Variants in RMND1 observed in about 807,000 individuals in gnomAD.
RMND1 encodes the protein required for meiotic nuclear division 1 homolog.
A neutral mutation model predicts 54.0 loss-of-function variants in RMND1; 41 were observed. The observed-to-expected ratio is 0.76, with a 90% CI of 0.59 to 0.98. The LOEUF is 0.98. RMND1 is among the 50% of genes least tolerant of loss of function. The pLI, the probability that RMND1 is intolerant of heterozygous loss-of-function variation, is 0.00. For missense variants in RMND1, 457 were observed against 532.0 expected (o/e 0.86, Z 1.39); for synonymous variants, 183 against 181.7 (o/e 1.01, Z -0.06).
At position 151,445,693 on chromosome 6, in the gene RMND1, G is replaced by A; in HGVS notation, c.119C>T (p.Thr40Ile). Residue 40 changes from threonine to isoleucine, a missense_variant, in exon 2 of 12, where the codon ACA becomes ATA. Transcript: ENST00000444024. Reference sequence around the variant, plus strand: ...TTGACGTATTGTCAGTGTGCTGCATGTTGTATTTTCAAATTCCTTAAGTGG... The same window carrying A: ...TTGACGTATTGTCAGTGTGCTGCATATTGTATTTTCAAATTCCTTAAGTGG... Reference protein sequence around the residue: ...LKPLKEFENTTCSTLTIRQSL... With the variant: ...LKPLKEFENTICSTLTIRQSL... The A allele has an allele frequency of 6.2e-7, 1 of 1,614,138 alleles. No individual in the cohort carries two copies. Among genetic ancestry groups the A allele is most frequent in the South Asian group, 1.1e-5 (1 of 91,080 alleles).
At chr6:151,447,844 C>T (rs1459682078) in intron 1 of RMND1, among the ~76,000 whole-genome samples, 1 of 136,108 alleles carries the variant, frequency 7.3e-6, no homozygotes, top group Non-Finnish European at 1.5e-5. Context: ...ATGGGAGTCT[C>T]GCTCTGTCAC....
chr6:151,438,320 C>G (rs1378795865), intron 2 of RMND1, among the ~76,000 whole-genome samples: 1 of 152,196 alleles, frequency 6.6e-6, no homozygotes, highest in African/African-American at 2.4e-5. Flanking sequence ...TAGGTGAAAT[C>G]ACAGTACATT....
Position 151,405,194 on chromosome 6 carries a change from A to G in RMND1, c.*41T>C. The G allele has an allele frequency of 6.3e-7, 1 of 1,583,474 alleles. No homozygotes were observed. On this transcript the variant is annotated 3_prime_UTR_variant, in exon 12 of 12. Coordinates refer to ENST00000444024, the MANE Select transcript of RMND1 (RefSeq NM_017909.4). ...CGAACATTTAATTTTTGATTGTAGA[A>G]CTTGAATATCTCTTGCAGTGACACT...
At chr6:151,438,503 T>C (rs1260825380) in intron 2 of RMND1, among the ~76,000 whole-genome samples, 2 of 152,200 alleles carry the variant, frequency 1.3e-5, no homozygotes, top group Non-Finnish European at 2.9e-5. Flanking sequence ...TTTGCTAGAA[T>C]CGGAGTTGTA....
chr6:151,417,323 A>G lies in RMND1; in HGVS notation c.1156T>C (p.Tyr386His), dbSNP rs528012570. Residue 386 changes from tyrosine (Y) to histidine (H), a missense_variant, in exon 10 of 12, where the codon TAC (tyrosine) becomes CAC (histidine). Transcript: ENST00000444024. ...CTAAGGAATTGACACGTTTTATCGTAAAGTCCTTCCAGGTTTTCTCTGTCC... is the reference window on the plus strand; with the variant it reads ...CTAAGGAATTGACACGTTTTATCGTGAAGTCCTTCCAGGTTTTCTCTGTCC... Reference protein sequence around the residue: ...YWDRENLEGLYDKTCQFLSIG... With the variant: ...YWDRENLEGLHDKTCQFLSIG... 2 of 1,613,866 alleles carry G rather than the reference A, an allele frequency of 1.2e-6. No homozygotes were observed. Among genetic ancestry groups the G allele is most frequent in the African/African-American group, 1.3e-5 (1 of 75,060 alleles).
At chr6:151,441,437 T>C (rs1014162319) in intron 2 of RMND1, among the ~76,000 whole-genome samples, 7 of 152,244 alleles carry the variant, frequency 4.6e-5, no homozygotes, top group Admixed American at 4.6e-4. Context: ...ATTTCACGAG[T>C]GATGGGAACA....
intron 10 of RMND1, among the ~76,000 whole-genome samples, chr6:151,412,478 G>A (rs900188537): frequency 6.6e-6 from 1 of 152,128 alleles, no homozygotes; most frequent in Non-Finnish European, 1.5e-5. Context: ...TTAACAAAGA[G>A]AGCACAGCAA....
At chr6:151,429,326 G>A (rs575939728) in intron 5 of RMND1, among the ~76,000 whole-genome samples, 50 of 152,200 alleles carry the variant, frequency 3.3e-4, no homozygotes, top group African/African-American at 1.2e-3. Flanking sequence ...TCACCATGTT[G>A]GCCAGGCTGG....
intron 2 of RMND1, among the ~76,000 whole-genome samples, chr6:151,443,177 G>C (rs1276623957): frequency 6.6e-6 from 1 of 152,110 alleles, no homozygotes; most frequent in South Asian, 2.1e-4. Context: ...CCTCAATTTC[G>C]GGCAGAGGAA....
chr6:151,451,537 G>A (rs1781197360), intron 1 of RMND1, among the ~76,000 whole-genome samples: 1 of 152,162 alleles, frequency 6.6e-6, no homozygotes, highest in Non-Finnish European at 1.5e-5. Context: ...TTCCAGAATG[G>A]AAGCTCCCTG....
chr6:151,446,770 A>T (rs1273707307), intron 1 of RMND1, among the ~76,000 whole-genome samples: 1 of 151,994 alleles, frequency 6.6e-6, no homozygotes, highest in African/African-American at 2.4e-5. Flanking sequence ...TTAGCCAAGC[A>T]TAGTGGCTTT....
intron 10 of RMND1, among the ~76,000 whole-genome samples, chr6:151,415,245 A>G (rs1042532924): frequency 1.3e-5 from 2 of 151,990 alleles, no homozygotes; most frequent in African/African-American, 4.8e-5. Flanking sequence ...AATTATAAAT[A>G]CGGAAGGGTA....
chr6:151,441,788 G>C (rs745596516), intron 2 of RMND1, among the ~76,000 whole-genome samples: 9 of 152,108 alleles, frequency 5.9e-5, no homozygotes, highest in African/African-American at 2.2e-4. Context: ...ACATCTGGTT[G>C]TTCATTTGCA....
chr6:151,407,606 G>C (rs1439942224), intron 10 of RMND1, among the ~76,000 whole-genome samples: 2 of 152,076 alleles, frequency 1.3e-5, no homozygotes, highest in Non-Finnish European at 2.9e-5. Flanking sequence ...ACACTGAAAT[G>C]TGCAAGCAAG....
chr6:151,430,803 A>G (rs999435199), intron 4 of RMND1, among the ~76,000 whole-genome samples: 24 of 152,298 alleles, frequency 1.6e-4, no homozygotes, highest in African/African-American at 5.5e-4. Flanking sequence ...TGTTTCAGGT[A>G]GTAAATAAAA....
At chr6:151,439,806 T>C (rs1286635601) in intron 2 of RMND1, among the ~76,000 whole-genome samples, 2 of 152,160 alleles carry the variant, frequency 1.3e-5, no homozygotes, top group African/African-American at 2.4e-5. Flanking sequence ...ATCACAGGCA[T>C]GCGCCACCAC....
intron 1 of RMND1, among the ~76,000 whole-genome samples, chr6:151,449,549 T>C (rs982940151): frequency 5.3e-5 from 8 of 152,068 alleles, no homozygotes; most frequent in Non-Finnish European, 1.0e-4. Flanking sequence ...GCTCACACCC[T>C]CACCTCCTTC....
chr6:151,430,273 GAT>G, intron 4 of RMND1, 96 bp from the exon 5 acceptor site: 2 of 828,560 alleles, frequency 2.4e-6, no homozygotes, highest in Non-Finnish European at 3.9e-6. Context: ...ATGTATACAG[GAT>G]GCGATTTTTC....
At chr6:151,433,262 A>T in intron 3 of RMND1, 32 bp from the exon 4 acceptor site, 1 of 1,479,302 alleles carries the variant, frequency 6.8e-7, no homozygotes, top group Non-Finnish European at 9.4e-7. Flanking sequence ...CAAAAAAGCT[A>T]TGTCAAGGTA....
Sources: gnomAD v4.1 joint callset for allele counts (sites outside exome capture counted in the v4.1 genomes callset) on GRCh38, gnomAD v4.1.1 for gene constraint, MANE v1.5 for transcripts, NCBI Gene and HGNC (gene_info 2026-07-23, HGNC 2026-07-21) for gene names.